Variants in RAI14 observed in about 807,000 individuals in gnomAD.
RAI14 encodes the protein retinoic acid induced 14.
A neutral mutation model predicts 115.4 loss-of-function variants in RAI14; 45 were observed. That is an observed-to-expected ratio of 0.39 (90% CI 0.31 to 0.50). RAI14 has a LOEUF of 0.50. RAI14 is among the 20% of genes least tolerant of loss of function. The pLI, the probability that RAI14 is intolerant of heterozygous loss-of-function variation, is 0.85. For missense variants in RAI14, 939 were observed against 1,131.2 expected (o/e 0.83, Z 2.44); for synonymous variants, 371 against 415.4 (o/e 0.89, Z 1.30).
chr5:34,811,652 A>G lies in RAI14; in HGVS notation c.558-115A>G, dbSNP rs113221389. ...TTCGAATTCCCTGAAGATTAAGTGT[A>G]ATAAAGGTTTAACTGCACTTAATCT... On this transcript the variant is annotated intron_variant, in intron 8 of 17. Coordinates refer to ENST00000265109, the MANE Select transcript of RAI14 (RefSeq NM_015577.3). The G allele has an allele frequency of 5.1e-5, 45 of 885,078 alleles. No homozygotes were observed. In the African/African-American group the frequency reaches 5.4e-4, roughly 11 times the overall value. The allele number at this position is 885,078 out of a possible 1,614,324, so 54.8% of individuals were successfully genotyped here.
chr5:34,779,926 C>A (rs923086808), intron 3 of RAI14, among the ~76,000 whole-genome samples: 5 of 151,908 alleles, frequency 3.3e-5, no homozygotes, highest in Non-Finnish European at 4.4e-5. Flanking sequence ...AATCCTAAGC[C>A]AAAAAAACAA....
At chr5:34,746,430 A>C (rs1580113938) in intron 2 of RAI14, among the ~76,000 whole-genome samples, 4 of 138,338 alleles carry the variant, frequency 2.9e-5, no homozygotes, top group Admixed American at 7.4e-5. Flanking sequence ...ACGGAGACAG[A>C]CTCTCGCTCT....
Position 34,686,867 on chromosome 5 carries a change from C to A in RAI14, c.-48-5C>A. ...CCTACATATGTCCTTTTTTTCTCTG[C>A]TTAGGTGTTGAAAAGTCTCCTCTAG... On this transcript the variant is annotated splice_polypyrimidine_tract_variant and splice_region_variant and intron_variant, in intron 1 of 17. Transcript: ENST00000265109. 1 of 1,572,976 alleles carries A rather than the reference C, an allele frequency of 6.4e-7. No homozygotes were observed. The highest frequency in any genetic ancestry group is 8.7e-7 in the Non-Finnish European group (1 of 1,145,742).
chr5:34,733,203 A>T (rs1307978389), intron 2 of RAI14: 1 of 152,200 alleles, frequency 6.6e-6, no homozygotes, highest in African/African-American at 2.4e-5. Flanking sequence ...TTATATATAC[A>T]CCTGGAATTT....
intron 2 of RAI14, among the ~76,000 whole-genome samples, chr5:34,703,627 C>T (rs1470282238): frequency 6.6e-6 from 1 of 152,120 alleles, no homozygotes; most frequent in Non-Finnish European, 1.5e-5. Context: ...TATGGGAATC[C>T]TTCTTTAAAA....
intron 1 of RAI14, among the ~76,000 whole-genome samples, chr5:34,683,960 C>T (rs778591779): frequency 2.0e-5 from 3 of 152,172 alleles, no homozygotes; most frequent in Non-Finnish European, 2.9e-5. Context: ...ATTTCCTGAC[C>T]TTGTGTTCCG....
In RAI14 at chr5:34,823,717, T is replaced by G; in HGVS notation, c.1875T>G (p.Asp625Glu). Reference protein sequence around the residue: ...LKSQMTQEASDEAEDMKEAMN... With the variant: ...LKSQMTQEASEEAEDMKEAMN... ...GTCAGATGACACAGGAAGCCAGTGA[T>G]GAAGCTGAGGACATGAAAGAAGCCA... Residue 625 changes from aspartate to glutamate, a missense_variant, in exon 15 of 18, where the codon GAT (aspartate) becomes GAG (glutamate). Coordinates refer to ENST00000265109, the MANE Select transcript of RAI14 (RefSeq NM_015577.3). This position sits in a 1 kb window ranked among gnomAD's most constrained non-coding sequence, Gnocchi z 4.5. 6.2e-7 allele frequency: 1 copy of G among 1,614,142 alleles called. No homozygotes were observed. The highest frequency in any genetic ancestry group is 2.2e-5 in the East Asian group (1 of 44,886).
chr5:34,665,302 G>C (rs1743120045), intron 1 of RAI14, among the ~76,000 whole-genome samples: 1 of 147,926 alleles, frequency 6.8e-6, no homozygotes, highest in African/African-American at 2.5e-5. Context: ...TTTTCAAAGA[G>C]ATAATAACTC....
intron 3 of RAI14, among the ~76,000 whole-genome samples, chr5:34,781,299 C>T (rs1426889081): frequency 1.3e-5 from 2 of 151,660 alleles, no homozygotes. Flanking sequence ...TGCAGCACAC[C>T]AACGTGGCAC....
At position 34,770,914 on chromosome 5, in the gene RAI14, C is replaced by A. The variant is rs772329306; in HGVS notation, c.167+13316C>A. Among the ~76,000 whole-genome samples the A allele has an allele frequency of 5.3e-5, 8 of 152,044 alleles. No homozygotes were observed. In the East Asian group the frequency reaches 1.2e-3, roughly 22 times the overall value. ...AGAAAGACATCATATAAAAAGAGTA[C>A]AATAAAAATATAAGCAGTTTGAGGT... On this transcript the variant is annotated intron_variant, in intron 3 of 17. Transcript: ENST00000265109.
chr5:34,823,910 G>A lies in RAI14; in HGVS notation c.2068G>A (p.Val690Met), dbSNP rs776829641. The A allele has an allele frequency of 5.0e-6, 8 of 1,614,168 alleles. No individual in the cohort carries two copies. Among genetic ancestry groups the A allele is most frequent in the Middle Eastern group, 1.6e-4 (1 of 6,062 alleles). The change falls in exon 15 of 18, where the codon GTG becomes ATG. Residue 690 changes from valine (V) to methionine (M), a missense_variant. Coordinates refer to ENST00000265109, the MANE Select transcript of RAI14 (RefSeq NM_015577.3). This position sits in a 1 kb window ranked among gnomAD's most constrained non-coding sequence, Gnocchi z 4.5. ...TGAGAAACTGATGCAATTGACAAAC[G>A]TGTCCAGGGCTAAAGCAGAAGATGC... The part of the protein sequence containing the change: ...EHEKLMQLTN[V>M]SRAKAEDALS...
chr5:34,723,448 A>G (rs562130655), intron 2 of RAI14, among the ~76,000 whole-genome samples: 18 of 152,304 alleles, frequency 1.2e-4, no homozygotes, highest in East Asian at 1.9e-4. Flanking sequence ...TTGGTCTTCA[A>G]CTATTCGGAT....
chr5:34,763,810 C>T (rs79991937), intron 3 of RAI14, among the ~76,000 whole-genome samples: 14,514 of 152,164 alleles, frequency 0.095, 842 homozygotes, highest in South Asian at 0.17. Context: ...TGGATACAGG[C>T]AAATGGGGTT....
chr5:34,713,019 C>G (rs1741584104), intron 2 of RAI14, among the ~76,000 whole-genome samples: 1 of 152,162 alleles, frequency 6.6e-6, no homozygotes, highest in East Asian at 1.9e-4. Flanking sequence ...AAATGAGACA[C>G]ATTGTCCTTG....
chr5:34,821,671 T>A, intron 13 of RAI14, 61 bp from the exon 14 acceptor site: 2 of 1,008,296 alleles, frequency 2.0e-6, no homozygotes, highest in South Asian at 2.7e-5. Flanking sequence ...TGAATTTGTC[T>A]CAGGTTAGAG....
intron 10 of RAI14, among the ~76,000 whole-genome samples, chr5:34,812,432 G>A (rs1430019051): frequency 1.3e-5 from 2 of 152,180 alleles, no homozygotes; most frequent in African/African-American, 2.4e-5. Flanking sequence ...TTGGGAGGCC[G>A]AGGCTGGTGG....
Position 34,823,933 on chromosome 5 carries a change from T to C in RAI14, c.2091T>C (p.Asp697=). 1 of 1,614,188 alleles carries C rather than the reference T, an allele frequency of 6.2e-7. No homozygotes were observed. Among genetic ancestry groups the C allele is most frequent in the Non-Finnish European group, 8.5e-7 (1 of 1,180,030 alleles). Residue 697 remains aspartate, a synonymous_variant, in exon 15 of 18, where the codon GAT becomes GAC. Transcript: ENST00000265109. This position sits in a 1 kb window ranked among gnomAD's most constrained non-coding sequence, Gnocchi z 4.5. ...ACGTGTCCAGGGCTAAAGCAGAAGA[T>C]GCACTGTCTGAAATGAAGTCTCAGT... ...LTNVSRAKAE[D]ALSEMKSQYS...
Position 34,832,118 on chromosome 5 carries a change from C to G in RAI14, c.*1353C>G, listed in dbSNP as rs1561104774. On this transcript the variant is annotated 3_prime_UTR_variant, in exon 18 of 18. Coordinates refer to ENST00000265109, the MANE Select transcript of RAI14 (RefSeq NM_015577.3). ...CATTAATCTTGTTGAGGGAGAGAGA[C>G]AGAATCCTGGACTCTCCAAAGTATT... is the stretch of plus-strand genomic sequence containing the variant. 2 of 152,288 alleles carry G rather than the reference C, an allele frequency of 1.3e-5. No individual in the cohort carries two copies. The highest frequency in any genetic ancestry group is 6.5e-5 in the Admixed American group (1 of 15,276). 9.4% of individuals were successfully genotyped at this position (152,288 alleles called of 1,614,324 possible).
intron 3 of RAI14, among the ~76,000 whole-genome samples, chr5:34,785,715 C>T (rs183235488): frequency 1.3e-5 from 2 of 152,208 alleles, no homozygotes; most frequent in East Asian, 3.9e-4. Context: ...TTTTATTCAC[C>T]CAATAAGCTG....
Sources: gnomAD v4.1 joint callset for allele counts (sites outside exome capture counted in the v4.1 genomes callset) on GRCh38, gnomAD v4.1.1 for gene constraint, Gnocchi (gnomAD v3.1) non-coding constraint, MANE v1.5 for transcripts, NCBI Gene and HGNC (gene_info 2026-07-23, HGNC 2026-07-21) for gene names.